CIB4: variants seen among roughly 807,000 people sequenced by gnomAD.
The protein encoded by CIB4 is calcium and integrin binding family member 4, also known as calcium and integrin-binding family member 4.
Under a neutral mutation model 25.8 loss-of-function variants are expected in CIB4, and 25 were observed. The ratio of observed to expected loss-of-function variants is 0.97; its 90% CI spans 0.71 to 1.35. The LOEUF is 1.35. CIB4 is among the 40% of genes most tolerant of loss of function. CIB4 has a pLI of 0.00. For missense variants in CIB4, 235 were observed against 228.2 expected, an observed-to-expected ratio of 1.03 and a Z score of -0.19; for synonymous variants, 75 against 81.4, an observed-to-expected ratio of 0.92 and a Z score of 0.42.
intron 3 of CIB4, among the ~76,000 whole-genome samples, chr2:26,612,970 T>C (rs1406249301): frequency 1.3e-5 from 2 of 152,144 alleles, no homozygotes; most frequent in African/African-American, 2.4e-5. Flanking sequence ...CCCTAGATGC[T>C]GGGTGGGTCT....
chr2:26,608,781 C>T (rs1469898786), intron 3 of CIB4, among the ~76,000 whole-genome samples: 1 of 152,138 alleles, frequency 6.6e-6, no homozygotes, highest in Non-Finnish European at 1.5e-5. Context: ...TTCTTTCTCT[C>T]CCTGCACTCC....
At chr2:26,609,043 C>T (rs1668947454) in intron 3 of CIB4, among the ~76,000 whole-genome samples, 1 of 152,202 alleles carries the variant, frequency 6.6e-6, no homozygotes, top group Non-Finnish European at 1.5e-5. Flanking sequence ...AACCACTTCT[C>T]CCAGAGCCCC....
At chr2:26,616,397 G>C (rs775375357) in intron 3 of CIB4, among the ~76,000 whole-genome samples, 2 of 152,222 alleles carry the variant, frequency 1.3e-5, no homozygotes, top group Non-Finnish European at 2.9e-5. Context: ...GCCCTGCGAG[G>C]TGGAGCCTTG....
At chr2:26,599,195 G>A (rs190938831) in intron 3 of CIB4, among the ~76,000 whole-genome samples, 63 of 152,260 alleles carry the variant, frequency 4.1e-4, no homozygotes, top group African/African-American at 1.4e-3. Flanking sequence ...TGGTTTGAGG[G>A]CGTTTTGAAC....
chr2:26,625,200 A>G (rs970610611), intron 3 of CIB4, among the ~76,000 whole-genome samples: 1 of 152,150 alleles, frequency 6.6e-6, no homozygotes, highest in African/African-American at 2.4e-5. Flanking sequence ...AGGATGCTAG[A>G]ACACCCGTCA....
At chr2:26,597,117 C>A (rs757275519) in intron 3 of CIB4, among the ~76,000 whole-genome samples, 1 of 152,086 alleles carries the variant, frequency 6.6e-6, no homozygotes, top group African/African-American at 2.4e-5. Flanking sequence ...TGGTTAAAAA[C>A]GTGTATCACC....
At chr2:26,610,542 T>C (rs1229629999) in intron 3 of CIB4, among the ~76,000 whole-genome samples, 10 of 152,224 alleles carry the variant, frequency 6.6e-5, no homozygotes, top group Admixed American at 6.5e-4. Flanking sequence ...TTTGCCCCAA[T>C]AGTATCAGGC....
At chr2:26,613,479 A>G (rs1166582118) in intron 3 of CIB4, among the ~76,000 whole-genome samples, 2 of 152,160 alleles carry the variant, frequency 1.3e-5, no homozygotes, top group African/African-American at 4.8e-5. Context: ...GGGCACAGCC[A>G]TGCCCTCCCT....
intron 3 of CIB4, among the ~76,000 whole-genome samples, chr2:26,605,993 G>A (rs1295825009): frequency 6.6e-6 from 1 of 152,176 alleles, no homozygotes; most frequent in East Asian, 1.9e-4. Flanking sequence ...TGAGTCCCAT[G>A]ACCCTGCCAG....
In CIB4 at chr2:26,598,303, A is replaced by C. The variant is rs549821380; in HGVS notation, c.187-2986T>G. 1.7e-3 allele frequency among the ~76,000 whole-genome samples: 252 copies of C among 152,002 alleles called. No homozygotes were observed. The Middle Eastern group carries it at 0.017, about 10-fold the overall frequency. Reference sequence around the variant, plus strand: ...TGACAGAGGGAGACTCCATCTCAAAAAAAAAAAAAAGTGCAAAAACAGAAT... The same window carrying C: ...TGACAGAGGGAGACTCCATCTCAAACAAAAAAAAAAGTGCAAAAACAGAAT... On this transcript the variant is annotated intron_variant, in intron 3 of 6. Transcript: ENST00000288861.
chr2:26,640,557 A>G lies in CIB4; in HGVS notation c.65T>C (p.Phe22Ser), dbSNP rs1434738372. ...CCACAGAATTTCATTTCTGGTCAGG[A>G]AGGTCAGGGCCTGCAACAAATCACA... ...EDLEEYQALT[F>S]LTRNEILCIH... Residue 22 changes from phenylalanine (F) to serine (S), a missense_variant, in exon 2 of 7, where the codon TTC (phenylalanine) becomes TCC (serine). Transcript: ENST00000288861. The G allele has an allele frequency of 6.2e-7, 1 of 1,612,972 alleles. No individual in the cohort carries two copies. Among genetic ancestry groups the G allele is most frequent in the African/African-American group, 1.3e-5 (1 of 74,800 alleles).
At chr2:26,591,628 C>A (rs191744350) in intron 4 of CIB4, among the ~76,000 whole-genome samples, 2 of 152,338 alleles carry the variant, frequency 1.3e-5, no homozygotes, top group Admixed American at 6.5e-5. Flanking sequence ...TAATCCCCAA[C>A]CCCCTTGAGT....
intron 3 of CIB4, among the ~76,000 whole-genome samples, chr2:26,615,454 G>A (rs936573109): frequency 1.3e-5 from 2 of 152,206 alleles, no homozygotes; most frequent in Non-Finnish European, 2.9e-5. Context: ...CCTGGCGTGA[G>A]ATTAGAGCCT....
intron 4 of CIB4, among the ~76,000 whole-genome samples, chr2:26,592,321 G>A (rs1311740085): frequency 6.6e-6 from 1 of 152,224 alleles, no homozygotes; most frequent in Non-Finnish European, 1.5e-5. Context: ...AGCGGCTAGA[G>A]GGCTCCAACT....
chr2:26,594,723 G>A (rs1668647225), intron 4 of CIB4, among the ~76,000 whole-genome samples: 1 of 152,112 alleles, frequency 6.6e-6, no homozygotes, highest in Non-Finnish European at 1.5e-5. Flanking sequence ...ACCAAAAAAT[G>A]TCAAAGTGCC....
intron 4 of CIB4, among the ~76,000 whole-genome samples, chr2:26,585,184 G>A (rs938192195): frequency 1.1e-4 from 17 of 152,140 alleles, no homozygotes; most frequent in African/African-American, 2.9e-4. Context: ...CTGGAGGGAC[G>A]GTGGGTGGAG....
intron 3 of CIB4, among the ~76,000 whole-genome samples, chr2:26,595,518 G>T (rs1668666308): frequency 6.6e-6 from 1 of 152,236 alleles, no homozygotes; most frequent in African/African-American, 2.4e-5. Context: ...CTTGCAGTTG[G>T]ATATGTGACT....
intron 3 of CIB4, among the ~76,000 whole-genome samples, chr2:26,609,015 C>G (rs760685986): frequency 6.6e-6 from 1 of 152,130 alleles, no homozygotes; most frequent in Non-Finnish European, 1.5e-5. Flanking sequence ...TATTGACAAC[C>G]GCAGCCCTTT....
At position 26,618,156 on chromosome 2, in the gene CIB4, C is replaced by T. The variant is rs145888752; in HGVS notation, c.186+11254G>A. ...GTCCAGGCCCTGCCTCCCTCCACCC[C>T]GACCTCATCTCAGGTGGACAGGCAG... On this transcript the variant is annotated intron_variant, in intron 3 of 6. Coordinates refer to ENST00000288861, the MANE Select transcript of CIB4 (RefSeq NM_001029881.3). 2.5e-4 allele frequency among the ~76,000 whole-genome samples: 38 copies of T among 152,302 alleles called. No individual in the cohort carries two copies. The East Asian group carries it at 6.4e-3, about 26-fold the overall frequency.
Sources: allele counts gnomAD v4.1 joint callset (sites outside exome capture counted in the v4.1 genomes callset), GRCh38; gene constraint gnomAD v4.1.1; transcripts MANE v1.5; gene names NCBI Gene and HGNC (gene_info 2026-07-23, HGNC 2026-07-21).